The following ALK variants were observed in gnomAD, a reference collection of about 807,000 sequenced individuals.
The protein encoded by ALK is ALK receptor tyrosine kinase, also known as ALK tyrosine kinase receptor.
A neutral mutation model predicts 163.1 loss-of-function variants in ALK; 74 were observed. The observed-to-expected ratio is 0.45, with a 90% CI of 0.38 to 0.55. The LOEUF (loss-of-function observed/expected upper bound fraction) is 0.55. Among genes scored for constraint, ALK ranks in the 20% least tolerant of loss-of-function variants. ALK has a pLI of 0.00. For missense variants in ALK, 2,063 were observed against 2,105.3 expected, an observed-to-expected ratio of 0.98 and a Z score of 0.39; for synonymous variants, 960 against 843.2, an observed-to-expected ratio of 1.14 and a Z score of -2.40.
chr2:29,750,886 A>G (rs1236553622), intron 1 of ALK, among the ~76,000 whole-genome samples: 1 of 151,990 alleles, frequency 6.6e-6, no homozygotes, highest in Non-Finnish European at 1.5e-5. Flanking sequence ...CCTGGCCAGC[A>G]TGGTGAAACC....
Position 29,247,136 on chromosome 2 carries a change from C to T in ALK, c.2204+3969G>A, listed in dbSNP as rs115807642. On this transcript the variant is annotated intron_variant, in intron 12 of 28. Transcript: ENST00000389048. ...GCCTTTCCCCCGGCCTCCGCGGCAG[C>T]GCCTTTTACCCCGGCCTCCGCGGCA... 9.3e-3 allele frequency among the ~76,000 whole-genome samples: 1,411 copies of T among 152,070 alleles called. 34 individuals carry two copies. Among genetic ancestry groups the T allele is most frequent in the African/African-American group, 0.031 (1,294 of 41,472 alleles).
chr2:29,573,107 T>A (rs1466737317), intron 3 of ALK, among the ~76,000 whole-genome samples: 1 of 152,242 alleles, frequency 6.6e-6, no homozygotes, highest in Non-Finnish European at 1.5e-5. Flanking sequence ...GATGAACTTC[T>A]ACAGCTCCCT....
At chr2:29,886,372 T>C (rs1666985025) in intron 1 of ALK, among the ~76,000 whole-genome samples, 2 of 152,240 alleles carry the variant, frequency 1.3e-5, no homozygotes, top group African/African-American at 4.8e-5. Flanking sequence ...TGTTGAAAAG[T>C]CAAGTGTACA....
chr2:29,729,970 G>A (rs957044280), intron 1 of ALK, among the ~76,000 whole-genome samples: 1 of 152,172 alleles, frequency 6.6e-6, no homozygotes, highest in Non-Finnish European at 1.5e-5. Context: ...AAAGTATATC[G>A]AGGAGAAGGG....
chr2:29,292,916 G>A (rs1666074571), intron 9 of ALK, among the ~76,000 whole-genome samples: 2 of 152,136 alleles, frequency 1.3e-5, no homozygotes, highest in South Asian at 4.1e-4. Context: ...ACTGTGTGGT[G>A]GGGGCAATCT....
At chr2:29,199,011 T>C (rs1208083347) in intron 26 of ALK, among the ~76,000 whole-genome samples, 1 of 151,998 alleles carries the variant, frequency 6.6e-6, no homozygotes, top group Non-Finnish European at 1.5e-5. Flanking sequence ...TGGAGTGCAG[T>C]GGTGCCATCT....
intron 1 of ALK, among the ~76,000 whole-genome samples, chr2:29,722,942 C>T (rs1338440173): frequency 1.3e-5 from 2 of 152,174 alleles, no homozygotes; most frequent in Admixed American, 6.5e-5. Flanking sequence ...TATTCACACC[C>T]CACATCAATT....
rs1001483860 is a variant in ALK, at chr2:29,246,463, C to G, written c.2204+4642G>C. Among the ~76,000 whole-genome samples, 1 of 152,198 alleles carries G rather than the reference C, an allele frequency of 6.6e-6. No individual in the cohort carries two copies. Among genetic ancestry groups the G allele is most frequent in the Non-Finnish European group, 1.5e-5 (1 of 68,024 alleles). On this transcript the variant is annotated intron_variant, in intron 12 of 28. Transcript: ENST00000389048. This position sits in a 1 kb window ranked among gnomAD's most constrained non-coding sequence, Gnocchi z 4.3. ...CATGGCACTGCAGTGGCCTCCCACT[C>G]TCCCATCCGCTCCAGCCACCCACCC...
intron 5 of ALK, among the ~76,000 whole-genome samples, chr2:29,368,640 C>A (rs1269766873): frequency 1.3e-5 from 2 of 152,144 alleles, no homozygotes; most frequent in Admixed American, 6.5e-5. Context: ...TTCCTTAATA[C>A]AAGCTCAGAA....
In ALK at chr2:29,345,455, T is replaced by A. The variant is rs200588055; in HGVS notation, c.1283-16974A>T. 5.4e-4 allele frequency among the ~76,000 whole-genome samples: 81 copies of A among 148,880 alleles called. 2 individuals carry two copies. The South Asian group carries it at 0.011, about 19-fold the overall frequency. ...ATAAATAAATAAATAAATAAATAAATAAAAATAATACTCAGTCCTAGCAAG... is the reference window on the plus strand; with the variant it reads ...ATAAATAAATAAATAAATAAATAAAAAAAAATAATACTCAGTCCTAGCAAG... On this transcript the variant is annotated intron_variant, in intron 5 of 28. Transcript: ENST00000389048.
chr2:29,916,969 T>C (rs567140107), intron 1 of ALK, among the ~76,000 whole-genome samples: 55 of 152,300 alleles, frequency 3.6e-4, no homozygotes, highest in African/African-American at 1.3e-3. Context: ...AGACTTGAAA[T>C]GCCGATCCTA....
chr2:29,352,505 A>G (rs6714030), intron 5 of ALK, among the ~76,000 whole-genome samples: 150,831 of 152,342 alleles, frequency 0.99, 74,683 homozygotes, highest in East Asian at 1. Context: ...TGTGGTGAGT[A>G]TGCTAAAGCA....
intron 24 of ALK, among the ~76,000 whole-genome samples, chr2:29,211,733 A>G (rs1669471278): frequency 6.6e-6 from 1 of 152,212 alleles, no homozygotes. Context: ...AGAACATGTA[A>G]AAGACGTTTT....
At chr2:29,852,675 C>T (rs957029858) in intron 1 of ALK, among the ~76,000 whole-genome samples, 3 of 152,064 alleles carry the variant, frequency 2.0e-5, no homozygotes, top group African/African-American at 7.2e-5. Flanking sequence ...TCCTATGGAC[C>T]GAATGTTTGT....
intron 4 of ALK, among the ~76,000 whole-genome samples, chr2:29,390,021 T>C (rs1669124835): frequency 6.6e-6 from 1 of 152,234 alleles, no homozygotes. Context: ...ATTAATAATA[T>C]GACCAACAAG....
chr2:29,270,410 A>G (rs1251638071), intron 11 of ALK, among the ~76,000 whole-genome samples: 1 of 152,204 alleles, frequency 6.6e-6, no homozygotes, highest in African/African-American at 2.4e-5. Context: ...GGTGAATCGC[A>G]GTTAGGATTG....
chr2:29,416,008 T>G (rs2148325817), intron 4 of ALK, among the ~76,000 whole-genome samples: 1 of 152,330 alleles, frequency 6.6e-6, no homozygotes, highest in South Asian at 2.1e-4. Flanking sequence ...TCTCTGGCCT[T>G]CAGACCCCGA....
chr2:29,226,445 T>C (rs1453210651), intron 18 of ALK, among the ~76,000 whole-genome samples: 2 of 136,884 alleles, frequency 1.5e-5, no homozygotes, highest in Non-Finnish European at 3.0e-5. Context: ...ACCATTGCAT[T>C]CCAGCCTGGG....
At chr2:29,884,698 T>C (rs930137331) in intron 1 of ALK, among the ~76,000 whole-genome samples, 1 of 152,240 alleles carries the variant, frequency 6.6e-6, no homozygotes, top group Non-Finnish European at 1.5e-5. Context: ...GAAGGTAATG[T>C]CAGCAAAGGA....
Sources: gnomAD v4.1 joint callset for allele counts (sites outside exome capture counted in the v4.1 genomes callset) on GRCh38, gnomAD v4.1.1 for gene constraint, Gnocchi (gnomAD v3.1) non-coding constraint, MANE v1.5 for transcripts, NCBI Gene and HGNC (gene_info 2026-07-23, HGNC 2026-07-21) for gene names.